DENND1A: variants seen among roughly 807,000 people sequenced by gnomAD.
DENND1A encodes the protein DENN domain-containing protein 1A.
Under a neutral mutation model 113.7 loss-of-function variants are expected in DENND1A, and 51 were observed. The ratio of observed to expected loss-of-function variants is 0.45; its 90% CI spans 0.36 to 0.57. The LOEUF is 0.57. DENND1A is among the 20% of genes least tolerant of loss of function. The probability of loss-of-function intolerance (pLI) is 0.00; values close to 1 mark genes in which losing one functional copy is unlikely to be tolerated. For synonymous variants in DENND1A, 565 were observed against 570.8 expected, an observed-to-expected ratio of 0.99 and a Z score of 0.14; for missense variants, 1,258 against 1,395.9, an observed-to-expected ratio of 0.90 and a Z score of 1.57.
intron 5 of DENND1A, among the ~76,000 whole-genome samples, chr9:123,706,044 A>T (rs2066174002): frequency 6.6e-6 from 1 of 152,182 alleles, no homozygotes; most frequent in Non-Finnish European, 1.5e-5. Flanking sequence ...GATTAGAAAC[A>T]GGGAAACCAG....
intron 19 of DENND1A, chr9:123,413,807 G>A (rs1207003920): frequency 8.1e-6 from 8 of 985,376 alleles, no homozygotes; most frequent in Middle Eastern, 5.2e-4. Context: ...TACAGGAAGT[G>A]TGTGGGGGAA....
intron 13 of DENND1A, among the ~76,000 whole-genome samples, chr9:123,552,020 A>AGAGC (rs1554875032): frequency 7.7e-4 from 96 of 125,402 alleles, no homozygotes; most frequent in Non-Finnish European, 1.2e-3. Flanking sequence ...AGCGAGAGCG[A>AGAGC]GAGAGAGAGA....
intron 2 of DENND1A, among the ~76,000 whole-genome samples, chr9:123,828,311 A>G (rs1839676936): frequency 6.6e-6 from 1 of 152,104 alleles, no homozygotes; most frequent in South Asian, 2.1e-4. Context: ...AAACAAGTGA[A>G]CAGATAGGTC....
intron 5 of DENND1A, among the ~76,000 whole-genome samples, chr9:123,685,818 G>A (rs1216423162): frequency 6.6e-6 from 1 of 152,070 alleles, no homozygotes; most frequent in Non-Finnish European, 1.5e-5. Flanking sequence ...ATTTTCCTAG[G>A]AGAGTTTATG....
chr9:123,809,006 T>C (rs1156757813), intron 2 of DENND1A, among the ~76,000 whole-genome samples: 1 of 152,174 alleles, frequency 6.6e-6, no homozygotes, highest in East Asian at 1.9e-4. Context: ...ACTAAGATCC[T>C]GGGTATGATT....
chr9:123,878,203 CA>C (rs35005889), intron 2 of DENND1A, among the ~76,000 whole-genome samples: 18,254 of 134,852 alleles, frequency 0.14, 1,403 homozygotes, highest in African/African-American at 0.23. Flanking sequence ...AACTCCATCT[CA>C]AAAAAAAAAA....
chr9:123,567,654 C>G (rs1222804925), intron 12 of DENND1A, among the ~76,000 whole-genome samples: 1 of 152,174 alleles, frequency 6.6e-6, no homozygotes, highest in Non-Finnish European at 1.5e-5. Context: ...ATAATTAATT[C>G]TACAGATCAG....
intron 2 of DENND1A, among the ~76,000 whole-genome samples, chr9:123,846,820 A>G (rs1186477786): frequency 6.6e-6 from 1 of 152,216 alleles, no homozygotes; most frequent in Non-Finnish European, 1.5e-5. Flanking sequence ...AATACCACTA[A>G]ATTTACACTT....
intron 13 of DENND1A, among the ~76,000 whole-genome samples, chr9:123,498,681 T>C (rs12001955): frequency 0.051 from 7,725 of 152,036 alleles, 633 homozygotes; most frequent in African/African-American, 0.18. Flanking sequence ...TAGTCCCTTA[T>C]TAGATGCAAT....
intron 2 of DENND1A, among the ~76,000 whole-genome samples, chr9:123,822,822 T>C (rs2479104): frequency 0.26 from 38,957 of 152,194 alleles, 9,071 homozygotes; most frequent in African/African-American, 0.62. Flanking sequence ...TCAAGACCCA[T>C]TAAACTGGTT....
In DENND1A at chr9:123,764,618, G is replaced by C. The variant is rs2071314033; in HGVS notation, c.182+4896C>G. ...GACAGAACGCAATGCCTACCTGCTGGAGAAACTCACCAGACAATTCTAAGA... is the reference window on the plus strand; with the variant it reads ...GACAGAACGCAATGCCTACCTGCTGCAGAAACTCACCAGACAATTCTAAGA... On this transcript the variant is annotated intron_variant, in intron 4 of 23. Coordinates refer to ENST00000394215, the MANE Select transcript of DENND1A (RefSeq NM_001352964.2). This position sits in a 1 kb window ranked among gnomAD's most constrained non-coding sequence, Gnocchi z 4.1. Among the ~76,000 whole-genome samples the C allele has an allele frequency of 6.6e-6, 1 of 152,190 alleles. No homozygotes were observed.
At chr9:123,401,959 G>A in intron 21 of DENND1A, 1 of 1,613,658 alleles carries the variant, frequency 6.2e-7, no homozygotes, top group South Asian at 1.1e-5. Context: ...ATATCAACAG[G>A]CCTGTGACCC....
chr9:123,486,994 A>G (rs566544608), intron 13 of DENND1A, among the ~76,000 whole-genome samples: 3 of 152,360 alleles, frequency 2.0e-5, no homozygotes, highest in East Asian at 1.9e-4. Context: ...CACTAACTTG[A>G]GCAGTCTCCA....
chr9:123,856,199 T>G (rs1490961048), intron 2 of DENND1A, among the ~76,000 whole-genome samples: 12 of 152,180 alleles, frequency 7.9e-5, no homozygotes, highest in Non-Finnish European at 1.8e-4. Flanking sequence ...ATTTAATCCT[T>G]AAGTCGAGGT....
chr9:123,675,414 G>C (rs2064016076), intron 6 of DENND1A, among the ~76,000 whole-genome samples: 5 of 152,138 alleles, frequency 3.3e-5, no homozygotes, highest in Non-Finnish European at 7.3e-5. Flanking sequence ...GAATCTTAAG[G>C]AGATGAAAAT....
rs1438813787 is a variant in DENND1A at position 123,538,827 on chromosome 9, T to C, written c.993+18743A>G. On this transcript the variant is annotated intron_variant, in intron 13 of 23. Transcript: ENST00000394215. ...ACTCATACATATATATATATATATA[T>C]ATATATATATATATATATATATATA... is the stretch of plus-strand genomic sequence containing the variant. 7.5e-3 allele frequency among the ~76,000 whole-genome samples: 736 copies of C among 98,140 alleles called. 16 individuals carry two copies. The highest frequency in any genetic ancestry group is 0.011 in the Non-Finnish European group (543 of 47,962). The allele number at this position is 98,140 out of a possible 152,430, so 64.4% of individuals were successfully genotyped here.
chr9:123,680,628 C>G (rs1029216704), intron 5 of DENND1A, among the ~76,000 whole-genome samples: 1 of 152,184 alleles, frequency 6.6e-6, no homozygotes, highest in Non-Finnish European at 1.5e-5. Context: ...AGAGGACTGC[C>G]TTTTCTAATC....
chr9:123,435,153 C>T (rs908693723), intron 19 of DENND1A, among the ~76,000 whole-genome samples: 1 of 152,096 alleles, frequency 6.6e-6, no homozygotes. Flanking sequence ...ATGGGAGCAC[C>T]TGCTGGAGGT....
rs111838086 is a variant in DENND1A, at chr9:123,675,564, A to C, written c.372+1156T>G. Among the ~76,000 whole-genome samples the C allele has an allele frequency of 7.9e-5, 12 of 152,308 alleles. 1 individual carries two copies. The highest frequency in any genetic ancestry group is 2.4e-4 in the African/African-American group (10 of 41,570). On this transcript the variant is annotated intron_variant, in intron 6 of 23. Coordinates refer to ENST00000394215, the MANE Select transcript of DENND1A (RefSeq NM_001352964.2). ...AAGGGAAATTTTTCCTTAACGTTTA[A>C]TAATAATGGATCACTTTAATTAAAA...
Sources: allele counts gnomAD v4.1 joint callset (sites outside exome capture counted in the v4.1 genomes callset), GRCh38; gene constraint gnomAD v4.1.1; non-coding constraint Gnocchi (gnomAD v3.1); transcripts MANE v1.5; gene names NCBI Gene and HGNC (gene_info 2026-07-23, HGNC 2026-07-21).